The following ERC2 variants were observed in gnomAD, a reference collection of about 807,000 sequenced individuals.
ERC2 encodes the protein ELKS/RAB6-interacting/CAST family member 2, also known as ERC protein 2.
In ERC2, 42 loss-of-function variants were observed where a neutral mutation model predicts 114.8. That is an observed-to-expected ratio of 0.37 (90% confidence interval 0.29 to 0.47). The LOEUF (loss-of-function observed/expected upper bound fraction) is 0.47. Among genes scored for constraint, ERC2 ranks in the 20% least tolerant of loss-of-function variants. The pLI is 0.99. For missense variants in ERC2, 939 were observed against 1,150.7 expected (o/e 0.82, Z 2.66); for synonymous variants, 454 against 425.5 (o/e 1.07, Z -0.82).
chr3:56,419,169 C>T (rs9815821), intron 2 of ERC2, among the ~76,000 whole-genome samples: 6,556 of 152,258 alleles, frequency 0.043, 366 homozygotes, highest in African/African-American at 0.12. Flanking sequence ...TGGCATATAA[C>T]TGGGAACATG....
intron 14 of ERC2, among the ~76,000 whole-genome samples, chr3:55,844,025 C>A (rs1237319651): frequency 6.6e-6 from 1 of 152,126 alleles, no homozygotes; most frequent in Non-Finnish European, 1.5e-5. Context: ...TAATGGAAAC[C>A]ATGCCAAAGT....
chr3:55,900,194 T>C (rs2064059986), intron 13 of ERC2, among the ~76,000 whole-genome samples: 1 of 152,232 alleles, frequency 6.6e-6, no homozygotes, highest in South Asian at 2.1e-4. Flanking sequence ...TGCCCCACAA[T>C]GCACTTTACT....
At chr3:55,632,330 G>A (rs920264638) in intron 17 of ERC2, among the ~76,000 whole-genome samples, 4 of 152,232 alleles carry the variant, frequency 2.6e-5, no homozygotes, top group African/African-American at 9.6e-5. Flanking sequence ...AGAACTAACT[G>A]ATTGGAGAAG....
At chr3:55,528,305 T>C (rs1195468302) in intron 17 of ERC2, among the ~76,000 whole-genome samples, 4 of 152,332 alleles carry the variant, frequency 2.6e-5, no homozygotes, top group South Asian at 2.1e-4. Flanking sequence ...AATAACAAGA[T>C]GAAAAAGATT....
At chr3:56,094,511 T>C (rs1338857212) in intron 6 of ERC2, among the ~76,000 whole-genome samples, 1 of 152,286 alleles carries the variant, frequency 6.6e-6, no homozygotes, top group South Asian at 2.1e-4. Flanking sequence ...GGATGGGACC[T>C]TGGGGGAAGC....
intron 7 of ERC2, among the ~76,000 whole-genome samples, chr3:56,057,372 T>C (rs1388874807): frequency 6.6e-6 from 1 of 152,208 alleles, no homozygotes; most frequent in African/African-American, 2.4e-5. Flanking sequence ...TTTTTCTTTC[T>C]TTCTTGTAAT....
chr3:55,538,884 A>T (rs2054178584), intron 17 of ERC2, among the ~76,000 whole-genome samples: 1 of 152,210 alleles, frequency 6.6e-6, no homozygotes, highest in Non-Finnish European at 1.5e-5. Flanking sequence ...CCTTCTTTGA[A>T]GATTTCCCCC....
At chr3:55,964,082 T>A (rs1171589195) in intron 12 of ERC2, among the ~76,000 whole-genome samples, 1 of 152,214 alleles carries the variant, frequency 6.6e-6, no homozygotes, top group African/African-American at 2.4e-5. Flanking sequence ...CAGAAATCAA[T>A]TTTAAAACAT....
At chr3:55,915,070 A>G (rs1417505645) in intron 13 of ERC2, among the ~76,000 whole-genome samples, 1 of 152,132 alleles carries the variant, frequency 6.6e-6, no homozygotes, top group African/African-American at 2.4e-5. Flanking sequence ...GATCCACCCT[A>G]TCGTTGAAAT....
chr3:55,951,971 A>G (rs1215244322), intron 12 of ERC2, among the ~76,000 whole-genome samples: 1 of 151,806 alleles, frequency 6.6e-6, no homozygotes, highest in African/African-American at 2.4e-5. Flanking sequence ...AGTTAGTAGA[A>G]TAATATTATC....
intron 6 of ERC2, among the ~76,000 whole-genome samples, chr3:56,108,082 C>T (rs1265058951): frequency 6.6e-6 from 1 of 152,140 alleles, no homozygotes; most frequent in Non-Finnish European, 1.5e-5. Context: ...ACCTAGGGTC[C>T]TTTAGCCTAA....
intron 7 of ERC2, among the ~76,000 whole-genome samples, chr3:56,049,180 C>T (rs938021080): frequency 6.6e-6 from 1 of 152,168 alleles, no homozygotes; most frequent in African/African-American, 2.4e-5. Context: ...ATAGAGATAG[C>T]ATGACTCGAC....
chr3:56,057,924 T>C (rs1227538036), intron 7 of ERC2, among the ~76,000 whole-genome samples: 2 of 152,232 alleles, frequency 1.3e-5, no homozygotes, highest in African/African-American at 4.8e-5. Context: ...TAGTTTGGTA[T>C]AAATATTCAA....
intron 12 of ERC2, among the ~76,000 whole-genome samples, chr3:55,960,786 A>G (rs925497251): frequency 6.6e-6 from 1 of 152,208 alleles, no homozygotes; most frequent in Non-Finnish European, 1.5e-5. Context: ...ATACAAATAG[A>G]TTATATCTTC....
intron 17 of ERC2, among the ~76,000 whole-genome samples, chr3:55,525,507 GA>G (rs1317801968): frequency 1.3e-5 from 2 of 152,210 alleles, no homozygotes; most frequent in Non-Finnish European, 2.9e-5. Flanking sequence ...TCCAGGTTGA[GA>G]TGTGAGGGGT....
At chr3:55,767,084 C>A (rs1243726528) in intron 14 of ERC2, among the ~76,000 whole-genome samples, 3 of 152,112 alleles carry the variant, frequency 2.0e-5, no homozygotes, top group African/African-American at 7.2e-5. Context: ...AAATGGTGAA[C>A]AAAACTAGGC....
At chr3:56,339,335 C>T (rs1346381709) in intron 2 of ERC2, among the ~76,000 whole-genome samples, 1 of 151,990 alleles carries the variant, frequency 6.6e-6, no homozygotes, top group Non-Finnish European at 1.5e-5. Context: ...GCTTTGGTTT[C>T]ATCAGGGGAA....
intron 17 of ERC2, among the ~76,000 whole-genome samples, chr3:55,638,146 T>C (rs896271507): frequency 9.9e-5 from 15 of 152,200 alleles, no homozygotes; most frequent in African/African-American, 3.6e-4. Flanking sequence ...TCATCTTTTC[T>C]CTTTCCCCCT....
At chr3:55,533,124 C>A (rs945550159) in intron 17 of ERC2, among the ~76,000 whole-genome samples, 2 of 152,214 alleles carry the variant, frequency 1.3e-5, no homozygotes, top group Admixed American at 1.3e-4. Context: ...AAATATGCTT[C>A]TCGCCTAAGG....
Sources: allele counts gnomAD v4.1 joint callset (sites outside exome capture counted in the v4.1 genomes callset), GRCh38; gene constraint gnomAD v4.1.1; transcripts MANE v1.5; gene names NCBI Gene and HGNC (gene_info 2026-07-23, HGNC 2026-07-21).